FIGNL2: variants seen among roughly 807,000 people sequenced by gnomAD.
FIGNL2 encodes fidgetin like 2.
For missense variants in FIGNL2, 1,060 were observed against 950.2 expected (o/e 1.12, Z -1.52); for synonymous variants, 565 against 484.0 (o/e 1.17, Z -2.20).
intron 1 of FIGNL2, among the ~76,000 whole-genome samples, chr12:51,834,398 T>C (rs1939544854): frequency 6.6e-6 from 1 of 152,088 alleles, no homozygotes; most frequent in African/African-American, 2.4e-5. Flanking sequence ...TCTCTCTCCT[T>C]CTGTTACCCC....
intron 1 of FIGNL2, chr12:51,847,922 C>T (rs303782): frequency 0.45 from 360,858 of 802,720 alleles, 82,868 homozygotes; most frequent in Middle Eastern, 0.47. Flanking sequence ...CCTACAACCC[C>T]CTGACTCTGA....
Position 51,820,808 on chromosome 12 carries a change from A to G in FIGNL2, c.1606T>C (p.Ser536Pro). 1.4e-6 allele frequency: 2 copies of G among 1,473,548 alleles called. No individual in the cohort carries two copies. Among genetic ancestry groups the G allele is most frequent in the Non-Finnish European group, 1.8e-6 (2 of 1,120,442 alleles). The allele number at this position is 1,473,548 out of a possible 1,614,324, so 91.3% of individuals were successfully genotyped here. A position where few individuals can be genotyped will look rare whatever the true frequency, so the allele number is the denominator to read the frequency against. ...GCCTCGTCCAGAGCCGCGGGCCGCGAGGTGGTGCCCACAACCAGCACGCCG... is the reference window on the plus strand; with the variant it reads ...GCCTCGTCCAGAGCCGCGGGCCGCGGGGTGGTGCCCACAACCAGCACGCCG... ...ADGVLVVGTT[S>P]RPAALDEATR... Residue 536 changes from serine to proline, a missense_variant, in exon 2 of 2, where the codon TCG (serine) becomes CCG (proline). Ser to Pro is a moderately conservative substitution (Grantham distance 74). Transcript: ENST00000618634.
Position 51,821,183 on chromosome 12 carries a change from G to A in FIGNL2, c.1231C>T (p.Pro411Ser). 3 of 1,513,660 alleles carry A rather than the reference G, an allele frequency of 2.0e-6. No individual in the cohort carries two copies. Among genetic ancestry groups the A allele is most frequent in the South Asian group, 1.2e-5 (1 of 82,436 alleles). 93.8% of individuals were successfully genotyped at this position (1,513,660 alleles called of 1,614,324 possible). ...GGGTAGGCGGGCGGCCTGAGCAGGG[G>A]CCACACCAGCTCCTCCTCCAGCGCC... is the stretch of plus-strand genomic sequence containing the variant. ...KAALEEELVW[P>S]LLRPPAYPGS... is the part of the protein sequence containing the mutation. The change falls in exon 2 of 2, where the codon CCC becomes TCC. Residue 411 changes from proline to serine, a missense_variant. By Grantham distance (74) the Pro-to-Ser change is moderately conservative. Coordinates refer to ENST00000618634, the MANE Select transcript of FIGNL2 (RefSeq NM_001384995.1).
chr12:51,822,552 C>T (rs1939246049), intron 1 of FIGNL2, 128 bp from the exon 2 acceptor site: 2 of 987,764 alleles, frequency 2.0e-6, no homozygotes, highest in South Asian at 1.4e-5. Context: ...CCACCACCTA[C>T]CGCCCCACTC....
In FIGNL2 at chr12:51,818,002, T is replaced by TA. The variant is rs1275398319; in HGVS notation, c.*2449dup. The TA allele has an allele frequency of 6.6e-6, 1 of 152,394 alleles. No individual in the cohort carries two copies. Among genetic ancestry groups the TA allele is most frequent in the African/African-American group, 2.4e-5 (1 of 41,388 alleles). The allele number at this position is 152,394 out of a possible 1,614,324, so 9.4% of individuals were successfully genotyped here. On this transcript the variant is annotated 3_prime_UTR_variant, in exon 2 of 2. Transcript: ENST00000618634. ...AGAGCATCGTCAGACAGGAGATAAA[T>TA]ACGTCCATGTACAACACGCAGCAAA...
chr12:51,846,990 G>T, intron 1 of FIGNL2: 1 of 448,366 alleles, frequency 2.2e-6, no homozygotes. Context: ...AGCAAGCCCC[G>T]CCCCTTTCCT....
chr12:51,837,751 C>G (rs1019125762), intron 1 of FIGNL2: 1 of 152,312 alleles, frequency 6.6e-6, no homozygotes, highest in Non-Finnish European at 1.5e-5. Flanking sequence ...GGGCTCCAGG[C>G]TGGTGCTCTG....
chr12:51,845,483 C>A, intron 1 of FIGNL2: 1 of 984,948 alleles, frequency 1.0e-6, no homozygotes, highest in Non-Finnish European at 1.2e-6. Context: ...AGTCTCTGTC[C>A]CCTGAAGGGG....
rs1453321027 is a variant in FIGNL2 at position 51,819,051 on chromosome 12, A to C, written c.*1401T>G. The C allele has an allele frequency of 1.3e-5, 2 of 152,322 alleles. No individual in the cohort carries two copies. The highest frequency in any genetic ancestry group is 4.8e-5 in the African/African-American group (2 of 41,456). 9.4% of individuals were successfully genotyped at this position (152,322 alleles called of 1,614,324 possible). Reference sequence around the variant, plus strand: ...ATGCTCACTCCTCCTCAGAGCCTCCAGCAGAGATGGCTGAGGTCCAGTAGC... The same window carrying C: ...ATGCTCACTCCTCCTCAGAGCCTCCCGCAGAGATGGCTGAGGTCCAGTAGC... On this transcript the variant is annotated 3_prime_UTR_variant, in exon 2 of 2. Coordinates refer to ENST00000618634, the MANE Select transcript of FIGNL2 (RefSeq NM_001384995.1).
chr12:51,848,333 C>T (rs1356150919), intron 1 of FIGNL2: 6 of 982,218 alleles, frequency 6.1e-6, no homozygotes, highest in South Asian at 9.4e-5. Flanking sequence ...CCGCCCCCTC[C>T]CCCCGAGAAG....
chr12:51,837,757 C>G (rs181636092), intron 1 of FIGNL2: 1 of 152,260 alleles, frequency 6.6e-6, no homozygotes, highest in African/African-American at 2.4e-5. Flanking sequence ...CAGGCTGGTG[C>G]TCTGTCCCCA....
intron 1 of FIGNL2, among the ~76,000 whole-genome samples, chr12:51,838,540 G>A (rs932059967): frequency 2.0e-5 from 3 of 152,238 alleles, no homozygotes; most frequent in Admixed American, 2.0e-4. Flanking sequence ...GTATTGCAGG[G>A]AGTGAGCACT....
At chr12:51,844,690 C>G (rs752356613) in intron 1 of FIGNL2, 1 of 985,174 alleles carries the variant, frequency 1.0e-6, no homozygotes, top group African/African-American at 1.7e-5. Flanking sequence ...TGAAACTGCT[C>G]GGAGAAGAGC....
At chr12:51,838,042 G>A (rs79151450) in intron 1 of FIGNL2, 12,215 of 152,316 alleles carry the variant, frequency 0.08, 525 homozygotes, top group South Asian at 0.18. Flanking sequence ...CCACCTGCTC[G>A]AGGTGAGCTG....
intron 1 of FIGNL2, among the ~76,000 whole-genome samples, chr12:51,838,614 G>T (rs1332146457): frequency 6.6e-6 from 1 of 152,152 alleles, no homozygotes; most frequent in Non-Finnish European, 1.5e-5. Context: ...ATTGTGAAAT[G>T]GGGGGTGGAG....
chr12:51,841,191 G>GC (rs1275628448), intron 1 of FIGNL2, among the ~76,000 whole-genome samples: 1 of 152,134 alleles, frequency 6.6e-6, no homozygotes, highest in Non-Finnish European at 1.5e-5. Flanking sequence ...CAAGGGGGTG[G>GC]CCCCCTACAC....
In FIGNL2 at chr12:51,818,912, G is replaced by C. The variant is rs1043694909; in HGVS notation, c.*1540C>G. The C allele has an allele frequency of 2.0e-5, 3 of 152,268 alleles. No individual in the cohort carries two copies. The highest frequency in any genetic ancestry group is 2.9e-5 in the Non-Finnish European group (2 of 68,136). The allele number at this position is 152,268 out of a possible 1,614,324, so 9.4% of individuals were successfully genotyped here. ...GACTGAGACTAAGCCCCCAAGGTCA[G>C]AGAAAACACCCCTGCCCATCTCCCT... On this transcript the variant is annotated 3_prime_UTR_variant, in exon 2 of 2. Transcript: ENST00000618634.
In FIGNL2 at chr12:51,820,466, C is replaced by T. The variant is rs772371192; in HGVS notation, c.1948G>A (p.Gly650Ser). The change falls in exon 2 of 2, where the codon GGC (glycine) becomes AGC (serine). Residue 650 changes from glycine to serine, a missense_variant. Transcript: ENST00000618634. ...CCCGCGCGCCGTCAGTGTCCGGAGC[C>T]GTACATTTTGTCCCACTCCACGAAC... Reference protein sequence around the residue: ...DSFVEWDKMYGSGH With the variant: ...DSFVEWDKMYSSGH 4.6e-5 allele frequency: 73 copies of T among 1,590,220 alleles called. No individual in the cohort carries two copies. The highest frequency in any genetic ancestry group is 6.0e-5 in the Non-Finnish European group (70 of 1,176,030).
chr12:51,845,445 C>T (rs979809894), intron 1 of FIGNL2: 2 of 959,988 alleles, frequency 2.1e-6, no homozygotes, highest in African/African-American at 4.2e-5. Context: ...CATACTTGAC[C>T]TCTTGTGGCT....
Sources: gnomAD v4.1 joint callset for allele counts (sites outside exome capture counted in the v4.1 genomes callset) on GRCh38, gnomAD v4.1.1 for gene constraint, MANE v1.5 for transcripts, NCBI Gene and HGNC (gene_info 2026-07-23, HGNC 2026-07-21) for gene names.